The following ANKRD33B variants were observed in gnomAD, a reference collection of about 807,000 sequenced individuals.
The protein encoded by ANKRD33B is ankyrin repeat domain 33B.
ANKRD33B carries 6 observed loss-of-function variants against 21.5 expected under a neutral mutation model. The ratio of observed to expected loss-of-function variants is 0.28; its 90% CI spans 0.15 to 0.55. ANKRD33B has a LOEUF of 0.55. Among genes scored for constraint, ANKRD33B ranks in the 20% least tolerant of loss-of-function variants. ANKRD33B has a pLI of 0.94. For synonymous variants in ANKRD33B, 347 were observed against 342.4 expected, an observed-to-expected ratio of 1.01 and a Z score of -0.15; for missense variants, 698 against 747.2, an observed-to-expected ratio of 0.93 and a Z score of 0.77.
rs1478203155 is a variant in ANKRD33B at position 10,601,142 on chromosome 5, A to T, written c.367-17191A>T. ...TTTAAAAAGAATAGGGTTGGGGGGC[A>T]TATATTTAAAGAATATTTTGAAAAT... On this transcript the variant is annotated intron_variant, in intron 1 of 3. Coordinates refer to ENST00000296657, the MANE Select transcript of ANKRD33B (RefSeq NM_001164440.2). Among the ~76,000 whole-genome samples, 4 of 152,148 alleles carry T rather than the reference A, an allele frequency of 2.6e-5. No individual in the cohort carries two copies. In the South Asian group the frequency reaches 6.2e-4, roughly 24 times the overall value.
rs1560985664 is a variant in ANKRD33B at position 10,640,093 on chromosome 5, CGGGTGACGTGGAGTTGCGCGGT to C, written c.637+1927_637+1948del. ...ACGTGGAGTTGCGTGGTAATGTTAGCGGGTGACGTGGAGTTGCGCGGTGATGTTAGCGGGTGACGTGGAGTTG... is the reference window on the plus strand; with the variant it reads ...ACGTGGAGTTGCGTGGTAATGTTAGCGATGTTAGCGGGTGACGTGGAGTTG... On this transcript the variant is annotated intron_variant, in intron 3 of 3. Transcript: ENST00000296657. Among the ~76,000 whole-genome samples, 4 of 96,712 alleles carry C rather than the reference CGGGTGACGTGGAGTTGCGCGGT, an allele frequency of 4.1e-5. No individual in the cohort carries two copies. The East Asian group carries it at 9.5e-4, about 23-fold the overall frequency. The allele number at this position is 96,712 out of a possible 152,430, so 63.4% of individuals were successfully genotyped here.
At chr5:10,620,382 C>T (rs964069922) in intron 2 of ANKRD33B, among the ~76,000 whole-genome samples, 2 of 152,116 alleles carry the variant, frequency 1.3e-5, no homozygotes, top group African/African-American at 4.8e-5. Context: ...TTGAAATGCT[C>T]TGAGACCTCT....
chr5:10,623,404 C>T (rs905422948), intron 2 of ANKRD33B, among the ~76,000 whole-genome samples: 2 of 152,186 alleles, frequency 1.3e-5, no homozygotes, highest in African/African-American at 2.4e-5. Context: ...CCTGGCTTCT[C>T]TCTGTTGCCT....
chr5:10,611,037 CCTT>C (rs1402005122), intron 1 of ANKRD33B, among the ~76,000 whole-genome samples: 5 of 152,050 alleles, frequency 3.3e-5, no homozygotes, highest in African/African-American at 7.3e-5. Context: ...GAGCGAAACT[CCTT>C]CTCAAAATAA....
chr5:10,612,431 G>A (rs1017954755), intron 1 of ANKRD33B, among the ~76,000 whole-genome samples: 1 of 152,164 alleles, frequency 6.6e-6, no homozygotes, highest in Non-Finnish European at 1.5e-5. Flanking sequence ...CTTATGACCT[G>A]GTTACCTCCT....
rs114390777 is a variant in ANKRD33B at position 10,601,539 on chromosome 5, C to G, written c.367-16794C>G. ...CATCCTCTGGGCCGAGCCTGGCATT[C>G]TCATTGTTTACTTCTCTGCCTCCTT... On this transcript the variant is annotated intron_variant, in intron 1 of 3. Transcript: ENST00000296657. Among the ~76,000 whole-genome samples the G allele has an allele frequency of 6.6e-3, 1,008 of 152,332 alleles. 8 individuals carry two copies. Among genetic ancestry groups the G allele is most frequent in the African/African-American group, 0.023 (951 of 41,564 alleles).
intron 1 of ANKRD33B, among the ~76,000 whole-genome samples, chr5:10,602,213 G>A (rs1035370409): frequency 6.6e-5 from 10 of 152,224 alleles, no homozygotes; most frequent in Non-Finnish European, 1.0e-4. Context: ...CACCCAGGGC[G>A]TCAGCGGAGC....
At chr5:10,610,284 G>T (rs189267484) in intron 1 of ANKRD33B, among the ~76,000 whole-genome samples, 12 of 152,252 alleles carry the variant, frequency 7.9e-5, no homozygotes, top group African/African-American at 2.6e-4. Context: ...GGGCAATTTT[G>T]CCTCCCAGGG....
intron 3 of ANKRD33B, among the ~76,000 whole-genome samples, chr5:10,642,894 GTTTGTTTTGCTTTGT>G (rs991751505): frequency 3.3e-5 from 5 of 152,062 alleles, no homozygotes; most frequent in Admixed American, 1.3e-4. Flanking sequence ...GTTTTTGTTT[GTTTGTTTTGCTTTGT>G]TTTGTTTTGT....
chr5:10,578,135 C>T (rs1048367933), intron 1 of ANKRD33B, among the ~76,000 whole-genome samples: 1 of 152,226 alleles, frequency 6.6e-6, no homozygotes, highest in Non-Finnish European at 1.5e-5. Flanking sequence ...CCACTTTCAG[C>T]TGCAAGTACA....
At chr5:10,588,900 G>A (rs998515315) in intron 1 of ANKRD33B, among the ~76,000 whole-genome samples, 2 of 152,138 alleles carry the variant, frequency 1.3e-5, no homozygotes, top group Non-Finnish European at 2.9e-5. Context: ...TAGAGAGAGT[G>A]AACTTGCTTA....
At chr5:10,637,388 C>A (rs1366308533) in intron 2 of ANKRD33B, among the ~76,000 whole-genome samples, 1 of 138,664 alleles carries the variant, frequency 7.2e-6, no homozygotes, top group Admixed American at 7.6e-5. Flanking sequence ...GCCTTGCCTG[C>A]GACACTCTGT....
intron 1 of ANKRD33B, among the ~76,000 whole-genome samples, 167 bp from the exon 2 acceptor site, chr5:10,618,166 C>G (rs1174112517): frequency 6.6e-6 from 1 of 152,190 alleles, no homozygotes; most frequent in Non-Finnish European, 1.5e-5. Context: ...TGAGAAGGAT[C>G]GAGCGGCTGG....
intron 2 of ANKRD33B, among the ~76,000 whole-genome samples, chr5:10,635,577 C>T (rs1353941293): frequency 1.3e-5 from 2 of 152,340 alleles, no homozygotes; most frequent in South Asian, 2.1e-4. Context: ...CAAAAAGATA[C>T]ATGGTTCCCC....
intron 1 of ANKRD33B, among the ~76,000 whole-genome samples, chr5:10,589,054 C>T (rs548818341): frequency 2.0e-5 from 3 of 152,282 alleles, no homozygotes; most frequent in Admixed American, 6.5e-5. Context: ...ACCCCATACC[C>T]TGAGCTGCTT....
At chr5:10,610,360 T>G (rs556669549) in intron 1 of ANKRD33B, among the ~76,000 whole-genome samples, 13 of 151,714 alleles carry the variant, frequency 8.6e-5, no homozygotes, top group Non-Finnish European at 1.9e-4. Flanking sequence ...GCTCCTGACG[T>G]CTAATGGGTA....
intron 1 of ANKRD33B, among the ~76,000 whole-genome samples, chr5:10,582,741 C>T (rs1187774700): frequency 6.6e-6 from 1 of 152,184 alleles, no homozygotes; most frequent in Admixed American, 6.5e-5. Context: ...ACTGCAAGGC[C>T]ACTCAGAGTT....
chr5:10,645,359 A>G (rs1737168567), intron 3 of ANKRD33B, among the ~76,000 whole-genome samples: 1 of 152,228 alleles, frequency 6.6e-6, no homozygotes, highest in Non-Finnish European at 1.5e-5. Context: ...TGACACATTC[A>G]GGGCTTCACG....
chr5:10,650,816 C>T lies in ANKRD33B; in HGVS notation c.*703C>T, dbSNP rs1418558460. The T allele has an allele frequency of 6.6e-6, 1 of 152,200 alleles. No homozygotes were observed. Among genetic ancestry groups the T allele is most frequent in the Non-Finnish European group, 1.5e-5 (1 of 68,012 alleles). The allele number at this position is 152,200 out of a possible 1,614,324, so 9.4% of individuals were successfully genotyped here. ...AATATATTGAGGAAAAACATATTGTCAAATTATAAAACAATGGAGCGATAA... is the reference window on the plus strand; with the variant it reads ...AATATATTGAGGAAAAACATATTGTTAAATTATAAAACAATGGAGCGATAA... On this transcript the variant is annotated 3_prime_UTR_variant, in exon 4 of 4. Coordinates refer to ENST00000296657, the MANE Select transcript of ANKRD33B (RefSeq NM_001164440.2).
Sources: gnomAD v4.1 joint callset for allele counts (sites outside exome capture counted in the v4.1 genomes callset) on GRCh38, gnomAD v4.1.1 for gene constraint, MANE v1.5 for transcripts, NCBI Gene and HGNC (gene_info 2026-07-23, HGNC 2026-07-21) for gene names.